TMCO4: variants seen among roughly 807,000 people sequenced by gnomAD.
The protein encoded by TMCO4 is transmembrane and coiled-coil domains 4.
In TMCO4, 58 loss-of-function variants were observed where a neutral mutation model predicts 64.7. That is an observed-to-expected ratio of 0.90 (90% CI 0.73 to 1.12). The LOEUF is 1.12. Among genes scored for constraint, TMCO4 ranks in the 50% most tolerant of loss-of-function variants. The pLI is 0.00. For missense variants in TMCO4, 780 were observed against 825.9 expected (o/e 0.94, Z 0.68); for synonymous variants, 325 against 346.1 (o/e 0.94, Z 0.68).
At chr1:19,698,858 A>T (rs567128717) in intron 14 of TMCO4, among the ~76,000 whole-genome samples, 6 of 152,356 alleles carry the variant, frequency 3.9e-5, no homozygotes, top group African/African-American at 1.4e-4. Flanking sequence ...CACTGCACAC[A>T]TGCAATTTTA....
intron 2 of TMCO4, among the ~76,000 whole-genome samples, chr1:19,797,188 G>T (rs1006843901): frequency 2.6e-5 from 4 of 152,156 alleles, no homozygotes; most frequent in Non-Finnish European, 2.9e-5. Flanking sequence ...AAGCAAACTT[G>T]GCCCTGGTCC....
At chr1:19,786,438 G>A (rs1315794550) in intron 3 of TMCO4, among the ~76,000 whole-genome samples, 1 of 152,236 alleles carries the variant, frequency 6.6e-6, no homozygotes, top group Non-Finnish European at 1.5e-5. Flanking sequence ...AATCAGACAG[G>A]GGTGGGGTGG....
At position 19,682,750 on chromosome 1, in the gene TMCO4, G is replaced by A. The variant is rs1327701468; in HGVS notation, c.*290C>T. On this transcript the variant is annotated 3_prime_UTR_variant, in exon 16 of 16. Coordinates refer to ENST00000294543, the MANE Select transcript of TMCO4 (RefSeq NM_181719.7). ...TACAGAAAGCCCACAGTTGGTTTCC[G>A]GTCCTGGGACTCTAACCTGTGCTTG... 1.8e-5 allele frequency: 13 copies of A among 718,486 alleles called. No individual in the cohort carries two copies. The highest frequency in any genetic ancestry group is 6.0e-5 in the Admixed American group (3 of 50,002). 44.5% of individuals were successfully genotyped at this position (718,486 alleles called of 1,614,324 possible). A position where few individuals can be genotyped will look rare whatever the true frequency, so the allele number is the denominator to read the frequency against.
At chr1:19,737,582 T>C (rs964401879) in intron 12 of TMCO4, 126 bp from the exon 13 acceptor site, 1 of 766,872 alleles carries the variant, frequency 1.3e-6, no homozygotes, top group East Asian at 2.7e-5. Context: ...ATCATGCATG[T>C]GCTGTTCCGG....
In TMCO4 at chr1:19,755,645, T is replaced by C. The variant is rs369349193; in HGVS notation, c.504A>G (p.Glu168=). 11 of 1,613,970 alleles carry C rather than the reference T, an allele frequency of 6.8e-6. No individual in the cohort carries two copies. Among genetic ancestry groups the C allele is most frequent in the Non-Finnish European group, 9.3e-6 (11 of 1,179,988 alleles). The change falls in exon 7 of 16, where the codon GAA becomes GAG. Residue 168 remains glutamate, a synonymous_variant. Coordinates refer to ENST00000294543, the MANE Select transcript of TMCO4 (RefSeq NM_181719.7). The part of the protein sequence containing the change: ...MFLESLKEIK[E]EESEMAEASR... ...CGGGGCTCTCTTACTCAGATTCCTC[T>C]TCTTTGATTTCCTTCAGGCTCTCCA... is the stretch of plus-strand genomic sequence containing the variant.
chr1:19,720,611 TG>T (rs1306449851), intron 13 of TMCO4, among the ~76,000 whole-genome samples: 2 of 152,266 alleles, frequency 1.3e-5, no homozygotes, highest in East Asian at 1.9e-4. Context: ...GCAAATCTTT[TG>T]GGGGAAGAAT....
intron 5 of TMCO4, 143 bp from the exon 6 acceptor site, chr1:19,770,712 T>C (rs1208533371): frequency 1.3e-6 from 1 of 771,072 alleles, no homozygotes; most frequent in Non-Finnish European, 2.1e-6. Context: ...AGCCAGATGA[T>C]AAACAGGCAA....
At chr1:19,787,415 G>A (rs1477400573) in intron 2 of TMCO4, among the ~76,000 whole-genome samples, 1 of 152,218 alleles carries the variant, frequency 6.6e-6, no homozygotes, top group Non-Finnish European at 1.5e-5. Flanking sequence ...CTGAGCTGTG[G>A]TCACTGCATC....
chr1:19,797,124 C>A (rs2044345980), intron 2 of TMCO4, among the ~76,000 whole-genome samples: 1 of 152,068 alleles, frequency 6.6e-6, no homozygotes, highest in African/African-American at 2.4e-5. Context: ...GTGAGGTCCC[C>A]AATATGCTCA....
intron 7 of TMCO4, among the ~76,000 whole-genome samples, chr1:19,754,616 G>A (rs1449764525): frequency 1.3e-5 from 2 of 152,196 alleles, no homozygotes; most frequent in East Asian, 1.9e-4. Context: ...CTGGTGCCAG[G>A]AGCCTGGGAT....
intron 13 of TMCO4, among the ~76,000 whole-genome samples, chr1:19,706,799 C>A (rs1207026046): frequency 6.6e-6 from 1 of 152,170 alleles, no homozygotes; most frequent in Admixed American, 6.5e-5. Flanking sequence ...CTTTCTTTGC[C>A]TCTACCTCTT....
At chr1:19,788,358 T>C (rs1002191211) in intron 2 of TMCO4, among the ~76,000 whole-genome samples, 7 of 152,002 alleles carry the variant, frequency 4.6e-5, no homozygotes, top group African/African-American at 1.7e-4. Context: ...CACAAATTTG[T>C]ATCGCTTTTG....
In TMCO4 at chr1:19,732,417, CAGCCTCCCA is replaced by C. The variant is rs1413189423; in HGVS notation, c.1264+4946_1264+4954del. On this transcript the variant is annotated intron_variant, in intron 13 of 15. Coordinates refer to ENST00000294543, the MANE Select transcript of TMCO4 (RefSeq NM_181719.7). The surrounding 1 kb of genome is among the most constrained non-coding windows in gnomAD (Gnocchi z 4.8). ...CTGGGCTCAAGCAATCCTCCCACCT[CAGCCTCCCA>C]AAGTGTTGGGATTACAGGCATGAGC... is the stretch of plus-strand genomic sequence containing the variant. Among the ~76,000 whole-genome samples, 1 of 152,150 alleles carries C rather than the reference CAGCCTCCCA, an allele frequency of 6.6e-6. No homozygotes were observed. The highest frequency in any genetic ancestry group is 2.4e-5 in the African/African-American group (1 of 41,436).
chr1:19,722,822 TG>T, intron 13 of TMCO4, among the ~76,000 whole-genome samples: 2 of 152,184 alleles, frequency 1.3e-5, no homozygotes, highest in East Asian at 3.9e-4. Context: ...GCAAGGGGGC[TG>T]GGGGGTGCAT....
chr1:19,770,663 AAGAC>A, intron 5 of TMCO4, 94 bp from the exon 6 acceptor site: 2 of 1,326,250 alleles, frequency 1.5e-6, no homozygotes, highest in Non-Finnish European at 2.1e-6. Flanking sequence ...GTGGCAGAAC[AAGAC>A]AGACAAAAAG....
At position 19,683,289 on chromosome 1, in the gene TMCO4, T is replaced by A; in HGVS notation, c.1656A>T (p.Ser552=). Reference sequence around the variant, plus strand: ...GCCCAACCTGGTGGGGGGTCTCGCCTGATGAGGCGGCAGCTGCTGCCTGGC... The same window carrying A: ...GCCCAACCTGGTGGGGGGTCTCGCCAGATGAGGCGGCAGCTGCTGCCTGGC... ...EPRQAAAAAS[S]GETPHQVGQT... Residue 552 remains serine (S), a synonymous_variant, in exon 16 of 16, where the codon TCA becomes TCT. Transcript: ENST00000294543. 6.2e-7 allele frequency: 1 copy of A among 1,614,150 alleles called. No homozygotes were observed. Among genetic ancestry groups the A allele is most frequent in the Non-Finnish European group, 8.5e-7 (1 of 1,179,980 alleles).
In TMCO4 at chr1:19,702,531, T is replaced by A. The variant is rs565990908; in HGVS notation, c.1265-1646A>T. 1.1e-4 allele frequency among the ~76,000 whole-genome samples: 17 copies of A among 151,754 alleles called. No homozygotes were observed. In the South Asian group the frequency reaches 3.6e-3, roughly 32 times the overall value. On this transcript the variant is annotated intron_variant, in intron 13 of 15. Transcript: ENST00000294543. The stretch of plus-strand genomic sequence containing the variant: ...AATTGCTTGAGCCCGGAGGCAGAGG[T>A]TGCAGTGAGCTGAGAATGGGCCACT...
chr1:19,716,238 G>A (rs1376455281), intron 13 of TMCO4, among the ~76,000 whole-genome samples: 2 of 149,734 alleles, frequency 1.3e-5, no homozygotes, highest in Non-Finnish European at 3.0e-5. Flanking sequence ...AGGCTGGAGC[G>A]CAGTGGCACA....
Position 19,700,754 on chromosome 1 carries a change from A to G in TMCO4, c.1382+14T>C. 6.2e-7 allele frequency: 1 copy of G among 1,608,164 alleles called. No homozygotes were observed. Among genetic ancestry groups the G allele is most frequent in the Non-Finnish European group, 8.5e-7 (1 of 1,175,058 alleles). ...GCATTGTCACTTCCCCGCTGGCACGAGGTTTGGACAGACCTGCAGTAGCCG... is the reference window on the plus strand; with the variant it reads ...GCATTGTCACTTCCCCGCTGGCACGGGGTTTGGACAGACCTGCAGTAGCCG... On this transcript the variant is annotated intron_variant, in intron 14 of 15. Transcript: ENST00000294543.
Sources: gnomAD v4.1 joint callset for allele counts (sites outside exome capture counted in the v4.1 genomes callset) on GRCh38, gnomAD v4.1.1 for gene constraint, Gnocchi (gnomAD v3.1) non-coding constraint, MANE v1.5 for transcripts, NCBI Gene and HGNC (gene_info 2026-07-23, HGNC 2026-07-21) for gene names.